The following MGAT4A variants were observed in gnomAD, a reference collection of about 807,000 sequenced individuals.
The protein encoded by MGAT4A is alpha-1,3-mannosyl-glycoprotein 4-beta-N-acetylglucosaminyltransferase A.
In MGAT4A, 33 loss-of-function variants were observed where a neutral mutation model predicts 74.1. The observed-to-expected ratio is 0.45, with a 90% CI of 0.34 to 0.60. MGAT4A has a LOEUF of 0.60. Among genes scored for constraint, MGAT4A ranks in the 20% least tolerant of loss-of-function variants. The probability of loss-of-function intolerance (pLI) is 0.02; values close to 1 mark genes in which losing one functional copy is unlikely to be tolerated. For missense variants in MGAT4A, 479 were observed against 628.3 expected, an observed-to-expected ratio of 0.76 and a Z score of 2.54; for synonymous variants, 198 against 210.4, an observed-to-expected ratio of 0.94 and a Z score of 0.51.
intron 9 of MGAT4A, 89 bp from the exon 10 acceptor site, chr2:98,644,142 C>A (rs1701452334): frequency 1.6e-6 from 2 of 1,260,324 alleles, no homozygotes; most frequent in Admixed American, 2.6e-5. Flanking sequence ...ACGACATACA[C>A]TGAGGCTTGC....
chr2:98,675,481 C>G (rs1183428304), intron 3 of MGAT4A, among the ~76,000 whole-genome samples: 2 of 152,030 alleles, frequency 1.3e-5, no homozygotes, highest in African/African-American at 4.8e-5. Context: ...CAAACAGACT[C>G]TAAATATACT....
At position 98,624,814 on chromosome 2, in the gene MGAT4A, T is replaced by G. The variant is rs1701120552; in HGVS notation, c.*752A>C. On this transcript the variant is annotated 3_prime_UTR_variant, in exon 16 of 16. Transcript: ENST00000393487. ...TTCTGTGGCTATACACCATACACAGTATAGTAAAGTAACCCTCAGGAAGGA... is the reference window on the plus strand; with the variant it reads ...TTCTGTGGCTATACACCATACACAGGATAGTAAAGTAACCCTCAGGAAGGA... The G allele has an allele frequency of 1.0e-6, 1 of 985,440 alleles. No individual in the cohort carries two copies. Among genetic ancestry groups the G allele is most frequent in the African/African-American group, 1.7e-5 (1 of 57,344 alleles). The allele number at this position is 985,440 out of a possible 1,614,324, so 61.0% of individuals were successfully genotyped here.
chr2:98,672,972 C>T lies in MGAT4A; in HGVS notation c.403+2063G>A, dbSNP rs139711788. On this transcript the variant is annotated intron_variant, in intron 4 of 15. Coordinates refer to ENST00000393487, the MANE Select transcript of MGAT4A (RefSeq NM_012214.3). The stretch of plus-strand genomic sequence containing the variant: ...CAATTTTCTTTAGTATTAAGTCATT[C>T]GTGGTACTAATTTTCCTAAATTATT... Among the ~76,000 whole-genome samples the T allele has an allele frequency of 1.3e-5, 2 of 152,204 alleles. 1 individual carries two copies. The highest frequency in any genetic ancestry group is 3.9e-4 in the East Asian group (2 of 5,190).
intron 3 of MGAT4A, 120 bp from the exon 4 acceptor site, chr2:98,675,295 C>CCAGAGTGTGAA: frequency 1.5e-6 from 1 of 684,300 alleles, no homozygotes; most frequent in Non-Finnish European, 2.4e-6. Context: ...CCTAGTTTCA[C>CCAGAGTGTGAA]ACTCTGGTGA....
In MGAT4A at chr2:98,680,930, G is replaced by C. The variant is rs530880417; in HGVS notation, c.95-2459C>G. 2.0e-3 allele frequency among the ~76,000 whole-genome samples: 305 copies of C among 152,304 alleles called. 3 individuals carry two copies. The highest frequency in any genetic ancestry group is 3.6e-3 in the Non-Finnish European group (244 of 68,020). ...ATAAGAAGACTCAGTCTTACAAAAA[G>C]ATTAATTCTACCCTAAGCAAAAGAA... On this transcript the variant is annotated intron_variant, in intron 2 of 15. Transcript: ENST00000393487.
chr2:98,724,665 G>A (rs1285538379), intron 2 of MGAT4A, among the ~76,000 whole-genome samples: 1 of 151,590 alleles, frequency 6.6e-6, no homozygotes, highest in Admixed American at 6.6e-5. Context: ...TTATTATAAG[G>A]CCTTTACATA....
At chr2:98,681,069 G>A (rs767985692) in intron 2 of MGAT4A, among the ~76,000 whole-genome samples, 3 of 152,074 alleles carry the variant, frequency 2.0e-5, no homozygotes, top group African/African-American at 7.2e-5. Flanking sequence ...TGCAAGCTCC[G>A]CCTCCCGGGT....
Position 98,667,102 on chromosome 2 carries a change from C to T in MGAT4A, c.404-3923G>A, listed in dbSNP as rs190652502. On this transcript the variant is annotated intron_variant, in intron 4 of 15. Transcript: ENST00000393487. Reference sequence around the variant, plus strand: ...GAGTTCCCCTGCACAAGCTTGCTCTCTGCCTGCTGCCATCCACATAAGATG... The same window carrying T: ...GAGTTCCCCTGCACAAGCTTGCTCTTTGCCTGCTGCCATCCACATAAGATG... Among the ~76,000 whole-genome samples the T allele has an allele frequency of 6.5e-3, 539 of 82,944 alleles. 4 individuals carry two copies. Among genetic ancestry groups the T allele is most frequent in the African/African-American group, 0.032 (440 of 13,954 alleles). 54.4% of individuals were successfully genotyped at this position (82,944 alleles called of 152,430 possible). A position where few individuals can be genotyped will look rare whatever the true frequency, so the allele number is the denominator to read the frequency against.
intron 9 of MGAT4A, among the ~76,000 whole-genome samples, chr2:98,644,255 A>T (rs1036116538): frequency 6.6e-6 from 1 of 152,206 alleles, no homozygotes; most frequent in Non-Finnish European, 1.5e-5. Flanking sequence ...ACCTGGGTGT[A>T]AACAGATATA....
chr2:98,622,380 C>G lies in MGAT4A; in HGVS notation c.*3186G>C. On this transcript the variant is annotated 3_prime_UTR_variant, in exon 16 of 16. Transcript: ENST00000393487. ...GTCACTAGTGTGTGTGATGGCAGAA[C>G]CGGGTAAAAAAATGTTTTTATTTAA... 1.0e-6 allele frequency: 1 copy of G among 985,410 alleles called. No homozygotes were observed. Among genetic ancestry groups the G allele is most frequent in the Non-Finnish European group, 1.2e-6 (1 of 829,934 alleles). 61.0% of individuals were successfully genotyped at this position (985,410 alleles called of 1,614,324 possible).
At chr2:98,700,086 T>C (rs1352647556) in intron 2 of MGAT4A, among the ~76,000 whole-genome samples, 1 of 152,068 alleles carries the variant, frequency 6.6e-6, no homozygotes, top group African/African-American at 2.4e-5. Flanking sequence ...TCCGCTTTTA[T>C]GGAACTTTCT....
intron 2 of MGAT4A, among the ~76,000 whole-genome samples, chr2:98,719,948 G>C (rs1702643953): frequency 6.6e-6 from 1 of 151,990 alleles, no homozygotes; most frequent in Admixed American, 6.6e-5. Flanking sequence ...TGCCCAGCCA[G>C]GATTTATTTT....
At chr2:98,688,778 T>C (rs916887086) in intron 2 of MGAT4A, among the ~76,000 whole-genome samples, 1 of 152,140 alleles carries the variant, frequency 6.6e-6, no homozygotes, top group African/African-American at 2.4e-5. Flanking sequence ...GTGTATCCTT[T>C]TGAGAGCCCA....
At chr2:98,657,775 C>T (rs780065292) in intron 6 of MGAT4A, among the ~76,000 whole-genome samples, 22 of 152,210 alleles carry the variant, frequency 1.4e-4, no homozygotes, top group East Asian at 1.4e-3. Flanking sequence ...CCATGTGCCT[C>T]GCTCATAGTA....
intron 2 of MGAT4A, among the ~76,000 whole-genome samples, chr2:98,686,794 G>A (rs985201191): frequency 6.6e-6 from 1 of 152,034 alleles, no homozygotes; most frequent in East Asian, 1.9e-4. Flanking sequence ...TGATCTGCCC[G>A]CCTCGGCCTC....
intron 10 of MGAT4A, among the ~76,000 whole-genome samples, chr2:98,640,850 ATAGAC>A (rs1158346309): frequency 6.6e-6 from 1 of 152,206 alleles, no homozygotes; most frequent in African/African-American, 2.4e-5. Context: ...TGAATAAACT[ATAGAC>A]TAGGGGGTTA....
At chr2:98,716,089 C>A (rs1047168411) in intron 2 of MGAT4A, among the ~76,000 whole-genome samples, 13 of 152,160 alleles carry the variant, frequency 8.5e-5, no homozygotes, top group South Asian at 2.1e-4. Context: ...GAGGCTGAGG[C>A]AGGAGGATCA....
intron 2 of MGAT4A, among the ~76,000 whole-genome samples, chr2:98,716,732 G>A (rs1035811690): frequency 2.0e-5 from 3 of 152,140 alleles, no homozygotes; most frequent in Admixed American, 1.3e-4. Context: ...TATCTTTGAG[G>A]ATACCAAAAT....
At chr2:98,675,380 G>C (rs1701965688) in intron 3 of MGAT4A, among the ~76,000 whole-genome samples, 1 of 152,146 alleles carries the variant, frequency 6.6e-6, no homozygotes, top group South Asian at 2.1e-4. Flanking sequence ...GATAAAACTG[G>C]CTGAAGGAAA....
Sources: gnomAD v4.1 joint callset for allele counts (sites outside exome capture counted in the v4.1 genomes callset) on GRCh38, gnomAD v4.1.1 for gene constraint, MANE v1.5 for transcripts, NCBI Gene and HGNC (gene_info 2026-07-23, HGNC 2026-07-21) for gene names.